Variants in COL4A1 observed in about 807,000 individuals in gnomAD.
The protein encoded by COL4A1 is collagen type IV alpha 1 chain.
A neutral mutation model predicts 216.6 loss-of-function variants in COL4A1; 40 were observed. The observed-to-expected ratio is 0.18, with a 90% CI of 0.14 to 0.24. COL4A1 has a LOEUF of 0.24. Among genes scored for constraint, COL4A1 ranks in the 10% least tolerant of loss-of-function variants. COL4A1 has a pLI of 1.00. For missense variants in COL4A1, 1,628 were observed against 2,196.8 expected (o/e 0.74, Z 5.18); for synonymous variants, 839 against 810.7 (o/e 1.03, Z -0.59).
At chr13:110,162,091 C>T in intron 48 of COL4A1, 139 bp downstream of exon 48, 3 of 844,782 alleles carry the variant, frequency 3.6e-6, no homozygotes, top group Non-Finnish European at 6.0e-6. Context: ...GCTGCTTTTT[C>T]ACTGGCTACC....
In COL4A1 at chr13:110,252,499, GTATATA is replaced by G. The variant is rs374456416; in HGVS notation, c.85-9771_85-9766del. ...GTATTATATATACGTATAATTATAC[GTATATA>G]TGTATTATATATACGTATAATTATA... is the stretch of plus-strand genomic sequence containing the variant. On this transcript the variant is annotated intron_variant, in intron 1 of 51. Transcript: ENST00000375820. Among the ~76,000 whole-genome samples the G allele has an allele frequency of 2.9e-3, 20 of 6,898 alleles. 2 individuals are homozygous for G. Among genetic ancestry groups the G allele is most frequent in the Non-Finnish European group, 0.021 (17 of 798 alleles). The allele number at this position is 6,898 out of a possible 152,430, so 4.5% of individuals were successfully genotyped here.
chr13:110,152,749 C>T, intron 50 of COL4A1, among the ~76,000 whole-genome samples: 1 of 152,236 alleles, frequency 6.6e-6, no homozygotes, highest in Non-Finnish European at 1.5e-5. Context: ...GGCTGCTTCC[C>T]AAATAGGTGA....
chr13:110,152,506 G>A lies in COL4A1; in HGVS notation c.4756C>T (p.His1586Tyr), dbSNP rs1876551770. 1.9e-6 allele frequency: 3 copies of A among 1,610,452 alleles called. No individual in the cohort carries two copies. The highest frequency in any genetic ancestry group is 3.3e-5 in the Admixed American group (2 of 59,828). ...SLWIGYSFVM[H>Y]TSAGAEGSGQ... ...GAGCCTTCTGCACCAGCGCTGGTGT[G>A]CTGCAGAACAGATGCGAGCCGTGAG... is the stretch of plus-strand genomic sequence containing the variant. Residue 1586 changes from histidine to tyrosine, a missense_variant and splice_region_variant, in exon 51 of 52, where the codon CAC (histidine) becomes TAC (tyrosine). Transcript: ENST00000375820.
chr13:110,250,746 TG>T (rs1341289159), intron 1 of COL4A1, among the ~76,000 whole-genome samples: 3 of 152,176 alleles, frequency 2.0e-5, no homozygotes, highest in African/African-American at 4.8e-5. Context: ...AGGCATGACC[TG>T]GGGCGAGCCT....
chr13:110,192,863 G>A lies in COL4A1; in HGVS notation c.1432C>T (p.Pro478Ser), dbSNP rs2139180090. 6.2e-7 allele frequency: 1 copy of A among 1,614,030 alleles called. No individual in the cohort carries two copies. Among genetic ancestry groups the A allele is most frequent in the Non-Finnish European group, 8.5e-7 (1 of 1,179,972 alleles). ...CCCGGGGGTCCCTGTGGCCCGGGAGGCCCCCGATATCCGTCTATATCACAG... is the reference window on the plus strand; with the variant it reads ...CCCGGGGGTCCCTGTGGCCCGGGAGACCCCCGATATCCGTCTATATCACAG... The part of the protein sequence containing the change: ...LICDIDGYRG[P>S]PGPQGPPGEI... Residue 478 changes from proline (P) to serine (S), a missense_variant, in exon 23 of 52, where the codon CCT becomes TCT. By Grantham distance (74) the Pro-to-Ser change is moderately conservative (BLOSUM62 -1). Around this residue, in one of 8 missense-constraint regions of COL4A1, gnomAD observed 701 missense variants for 892.5 expected, o/e 0.79. Transcript: ENST00000375820.
At chr13:110,157,287 T>C (rs1192750565) in intron 49 of COL4A1, among the ~76,000 whole-genome samples, 2 of 152,266 alleles carry the variant, frequency 1.3e-5, no homozygotes, top group Non-Finnish European at 2.9e-5. Flanking sequence ...GAGTCTTGTC[T>C]GCAGAAAGCT....
intron 2 of COL4A1, among the ~76,000 whole-genome samples, chr13:110,228,237 C>CA (rs1325156253): frequency 1.7e-5 from 2 of 118,998 alleles, no homozygotes; most frequent in East Asian, 5.5e-4. Context: ...GGTGCGGGGG[C>CA]GGGGGGGGGG....
intron 2 of COL4A1, among the ~76,000 whole-genome samples, chr13:110,232,857 A>T (rs891449109): frequency 7.2e-5 from 11 of 152,186 alleles, no homozygotes; most frequent in African/African-American, 2.7e-4. Context: ...CTGCAAATCA[A>T]GAGCCATCAA....
At chr13:110,305,759 G>A (rs1173076835) in intron 1 of COL4A1, 1 of 152,246 alleles carries the variant, frequency 6.6e-6, no homozygotes, top group Non-Finnish European at 1.5e-5. Flanking sequence ...AGGGAGATAA[G>A]CTCTCAATTA....
intron 42 of COL4A1, among the ~76,000 whole-genome samples, chr13:110,170,338 A>G (rs111789608): frequency 6.6e-6 from 1 of 152,208 alleles, no homozygotes; most frequent in African/African-American, 2.4e-5. Flanking sequence ...CCTTTCTTGC[A>G]TCTCCCTAAT....
At chr13:110,219,733 T>TAC (rs1227052070) in intron 2 of COL4A1, among the ~76,000 whole-genome samples, 7 of 145,962 alleles carry the variant, frequency 4.8e-5, no homozygotes, top group South Asian at 2.1e-4. Context: ...TGTGTGTATA[T>TAC]ATATGTATAT....
rs145029443 is a variant in COL4A1, at chr13:110,207,421, G to A, written c.762C>T (p.Phe254=). 43 of 1,613,894 alleles carry A rather than the reference G, an allele frequency of 2.7e-5. No individual in the cohort carries two copies. In the East Asian group the frequency reaches 4.7e-4, roughly 18 times the overall value. ...GQAQVQEKGD[F]ATKGEKGQKG... is the part of the protein sequence containing the mutation. Reference sequence around the variant, plus strand: ...CTCATACCTTTTCTCCCTTGGTGGCGAAGTCTCCTTTTTCTTGAACTTGAG... The same window carrying A: ...CTCATACCTTTTCTCCCTTGGTGGCAAAGTCTCCTTTTTCTTGAACTTGAG... Residue 254 remains phenylalanine, a synonymous_variant, in exon 13 of 52, where the codon TTC becomes TTT. Coordinates refer to ENST00000375820, the MANE Select transcript of COL4A1 (RefSeq NM_001845.6). This position sits in a 1 kb window ranked among gnomAD's most constrained non-coding sequence, Gnocchi z 4.4.
chr13:110,245,117 C>T (rs191119352), intron 1 of COL4A1, among the ~76,000 whole-genome samples: 8 of 152,220 alleles, frequency 5.3e-5, no homozygotes, highest in South Asian at 4.1e-4. Context: ...ACAGGGAACT[C>T]GGCAATGATT....
chr13:110,186,865 A>G (rs541374213), intron 25 of COL4A1, among the ~76,000 whole-genome samples: 2 of 152,318 alleles, frequency 1.3e-5, no homozygotes, highest in East Asian at 1.9e-4. Flanking sequence ...CCTCCCATCC[A>G]AAGCAAAAAG....
chr13:110,154,359 G>C (rs1876663613), intron 50 of COL4A1, among the ~76,000 whole-genome samples: 1 of 152,224 alleles, frequency 6.6e-6, no homozygotes, highest in South Asian at 2.1e-4. Flanking sequence ...TTGTGGGAAA[G>C]GGAAGCCCTG....
At chr13:110,185,520 C>A (rs898013748) in intron 26 of COL4A1, among the ~76,000 whole-genome samples, 1 of 152,196 alleles carries the variant, frequency 6.6e-6, no homozygotes, top group Non-Finnish European at 1.5e-5. Flanking sequence ...TCCTTTCACT[C>A]ACTTTTACAA....
rs73611469 is a variant in COL4A1, at chr13:110,206,645, G to A, written c.858+20C>T. 4.4e-3 allele frequency: 7,041 copies of A among 1,613,572 alleles called. 252 individuals carry two copies. In the African/African-American group the frequency reaches 0.082, roughly 19 times the overall value. On this transcript the variant is annotated intron_variant, in intron 15 of 51. Coordinates refer to ENST00000375820, the MANE Select transcript of COL4A1 (RefSeq NM_001845.6). ...GAAGGAGAATTGTTTTATGATAAAA[G>A]GACTTTGGAAAGCACTTACTCTGGG...
chr13:110,215,820 T>A (rs1880045229), intron 2 of COL4A1, among the ~76,000 whole-genome samples: 1 of 152,156 alleles, frequency 6.6e-6, no homozygotes, highest in East Asian at 1.9e-4. Context: ...AACATAAACA[T>A]CCAAAGTCGT....
intron 21 of COL4A1, 48 bp downstream of exon 21, chr13:110,198,419 C>G: frequency 6.2e-7 from 1 of 1,610,768 alleles, no homozygotes; most frequent in Non-Finnish European, 8.5e-7. Flanking sequence ...GCCCGGCACC[C>G]TGGTGTCTGC....
Sources: gnomAD v4.1 joint callset for allele counts (sites outside exome capture counted in the v4.1 genomes callset) on GRCh38, gnomAD v4.1.1 for gene constraint, gnomAD v4.1.1 regional missense constraint, Gnocchi (gnomAD v3.1) non-coding constraint, MANE v1.5 for transcripts, NCBI Gene and HGNC (gene_info 2026-07-23, HGNC 2026-07-21) for gene names.